The following FANCA variants were observed in gnomAD, a reference collection of about 807,000 sequenced individuals.
The protein encoded by FANCA is Fanconi anemia group A protein.
In FANCA, 236 loss-of-function variants were observed where a neutral mutation model predicts 194.3. The observed-to-expected ratio is 1.21, with a 90% CI of 1.09 to 1.35. FANCA has a LOEUF of 1.35. Among genes scored for constraint, FANCA ranks in the 40% most tolerant of loss-of-function variants. The probability of loss-of-function intolerance (pLI) is 0.00; values close to 1 mark genes in which losing one functional copy is unlikely to be tolerated. For synonymous variants in FANCA, 1,014 were observed against 715.8 expected, an observed-to-expected ratio of 1.42 and a Z score of -6.65; for missense variants, 2,628 against 1,813.9, an observed-to-expected ratio of 1.45 and a Z score of -8.15.
At chr16:89,792,575 T>TC in intron 11 of FANCA, 28 bp from the exon 12 acceptor site, 1 of 1,605,678 alleles carries the variant, frequency 6.2e-7, no homozygotes. Context: ...GACAAAAACT[T>TC]CAAGTCAGAG....
At chr16:89,739,041 T>C (rs1340283229) in intron 41 of FANCA, 67 bp from the exon 42 acceptor site, 18 of 1,613,780 alleles carry the variant, frequency 1.1e-5, no homozygotes, top group African/African-American at 8.0e-5. Context: ...GTGTCCCCCA[T>C]AGTCTGCATG....
At chr16:89,781,606 G>A (rs2039708758) in intron 17 of FANCA, among the ~76,000 whole-genome samples, 1 of 151,306 alleles carries the variant, frequency 6.6e-6, no homozygotes, top group Non-Finnish European at 1.5e-5. Context: ...AACCCGGGAG[G>A]CGGAGCTTGC....
At chr16:89,759,988 G>A (rs1193052634) in intron 29 of FANCA, among the ~76,000 whole-genome samples, 5 of 152,114 alleles carry the variant, frequency 3.3e-5, no homozygotes, top group East Asian at 3.9e-4. Flanking sequence ...CACGCTGTCC[G>A]GGACCGGGGT....
chr16:89,778,604 G>A (rs2039593567), intron 20 of FANCA, 197 bp downstream of exon 20: 4 of 560,556 alleles, frequency 7.1e-6, no homozygotes, highest in Non-Finnish European at 9.2e-6. Context: ...CTCCAAGCCT[G>A]GGTGACAGAG....
chr16:89,789,436 C>CTTTTTTTTTT (rs532159256), intron 14 of FANCA, among the ~76,000 whole-genome samples: 1 of 102,556 alleles, frequency 9.8e-6, no homozygotes, highest in Non-Finnish European at 1.8e-5. Flanking sequence ...AAACTCAATA[C>CTTTTTTTTTT]TTTTTTTTTT....
Position 89,778,838 on chromosome 16 carries a change from G to A in FANCA, c.1789C>T (p.Pro597Ser). The change falls in exon 20 of 43, where the codon CCT becomes TCT. Residue 597 changes from proline (P) to serine (S), a missense_variant. Transcript: ENST00000389301. ...TCTATAAACGCCACACGGGAGTCAG[G>A]GACTTTGGGGAGCTGTGGGAAGAGA... is the stretch of plus-strand genomic sequence containing the variant. ...LLTPRVLPKV[P>S]DSRVAFIESL... The A allele has an allele frequency of 6.2e-7, 1 of 1,614,034 alleles. No individual in the cohort carries two copies. The highest frequency in any genetic ancestry group is 8.5e-7 in the Non-Finnish European group (1 of 1,180,006).
At chr16:89,804,221 C>T (rs1478854606) in intron 7 of FANCA, among the ~76,000 whole-genome samples, 1 of 152,178 alleles carries the variant, frequency 6.6e-6, no homozygotes, top group Non-Finnish European at 1.5e-5. Flanking sequence ...CCACAAGCTA[C>T]TGTACAGATC....
intron 7 of FANCA, 111 bp from the exon 8 acceptor site, chr16:89,803,452 AC>A: frequency 1.0e-6 from 1 of 968,082 alleles, no homozygotes; most frequent in Non-Finnish European, 1.7e-6. Context: ...GCTTGGGCCC[AC>A]CAGGACCCCT....
At chr16:89,778,712 A>C in intron 20 of FANCA, 89 bp downstream of exon 20, 1 of 1,283,008 alleles carries the variant, frequency 7.8e-7, no homozygotes. Flanking sequence ...ATAGTGGTCT[A>C]ACAAATTTCT....
intron 26 of FANCA, among the ~76,000 whole-genome samples, chr16:89,769,111 T>C (rs1301863872): frequency 6.6e-6 from 1 of 152,198 alleles, no homozygotes; most frequent in African/African-American, 2.4e-5. Flanking sequence ...AAGTTCTCTG[T>C]TATTCAGACC....
At chr16:89,753,397 T>C (rs1342057032) in intron 30 of FANCA, among the ~76,000 whole-genome samples, 1 of 152,220 alleles carries the variant, frequency 6.6e-6, no homozygotes, top group Middle Eastern at 3.2e-3. Context: ...TCTTTATTTC[T>C]ACACTCTCTC....
chr16:89,738,187 G>A lies in FANCA; in HGVS notation c.*414C>T, dbSNP rs1231436012. Reference sequence around the variant, plus strand: ...GCCCCTGGAGGCGGAACCACCACCTGGGCCACCGAGCCCCTCTGTGACCAC... The same window carrying A: ...GCCCCTGGAGGCGGAACCACCACCTAGGCCACCGAGCCCCTCTGTGACCAC... On this transcript the variant is annotated 3_prime_UTR_variant, in exon 43 of 43. Coordinates refer to ENST00000389301, the MANE Select transcript of FANCA (RefSeq NM_000135.4). 4 of 1,611,820 alleles carry A rather than the reference G, an allele frequency of 2.5e-6. No homozygotes were observed. In the South Asian group the frequency reaches 3.3e-5, roughly 13 times the overall value.
At chr16:89,763,843 G>A (rs1324660871) in intron 28 of FANCA, among the ~76,000 whole-genome samples, 1 of 151,400 alleles carries the variant, frequency 6.6e-6, no homozygotes, top group Non-Finnish European at 1.5e-5. Flanking sequence ...TGAGGCAGGA[G>A]AATCACTTGA....
At chr16:89,797,415 C>T (rs921656406) in intron 10 of FANCA, among the ~76,000 whole-genome samples, 1 of 152,190 alleles carries the variant, frequency 6.6e-6, no homozygotes. Flanking sequence ...AACGAGGCCA[C>T]GTCGGCTCTG....
chr16:89,806,738 C>T (rs931393303), intron 6 of FANCA, among the ~76,000 whole-genome samples: 25 of 152,276 alleles, frequency 1.6e-4, no homozygotes, highest in African/African-American at 2.2e-4. Flanking sequence ...AAAAGTCTCC[C>T]GTGTCTACTT....
At chr16:89,807,323 G>A (rs549039069) in intron 6 of FANCA, among the ~76,000 whole-genome samples, 149 of 152,048 alleles carry the variant, frequency 9.8e-4, no homozygotes, top group Admixed American at 8.2e-3. Context: ...CGGGTGTGGT[G>A]GCACGCGCCT....
chr16:89,786,441 T>C (rs1334620152), intron 14 of FANCA, among the ~76,000 whole-genome samples: 2 of 152,146 alleles, frequency 1.3e-5, no homozygotes, highest in Admixed American at 6.6e-5. Flanking sequence ...CCTCCCAAAG[T>C]GCTGGGATTA....
intron 15 of FANCA, among the ~76,000 whole-genome samples, chr16:89,783,641 TCCAGGGCGGCTCACTGGGGGAA>T (rs1287131118): frequency 6.6e-6 from 1 of 151,588 alleles, no homozygotes; most frequent in African/African-American, 2.4e-5. Flanking sequence ...GTCCTGCAAG[TCCAGGGCGGCTCACTGGGGGAA>T]CCAGGGATGT....
Position 89,799,210 on chromosome 16 carries a change from A to T in FANCA, c.849T>A (p.Ala283=). 1 of 1,614,182 alleles carries T rather than the reference A, an allele frequency of 6.2e-7. No homozygotes were observed. Among genetic ancestry groups the T allele is most frequent in the Non-Finnish European group, 8.5e-7 (1 of 1,180,046 alleles). The part of the protein sequence containing the change: ...MLIFALDALA[A]GVQEESSTHK... ...GAGTGGAGGACTCCTCCTGTACTCC[A>T]GCAGCCAAAGCGTCAAGTGCAACTG... The change falls in exon 10 of 43, where the codon GCT becomes GCA. Residue 283 remains alanine, a synonymous_variant. Coordinates refer to ENST00000389301, the MANE Select transcript of FANCA (RefSeq NM_000135.4).
Sources: allele counts gnomAD v4.1 joint callset (sites outside exome capture counted in the v4.1 genomes callset), GRCh38; gene constraint gnomAD v4.1.1; transcripts MANE v1.5; gene names NCBI Gene and HGNC (gene_info 2026-07-23, HGNC 2026-07-21).